Variants in SH3PXD2B observed in about 807,000 individuals in gnomAD.
SH3PXD2B encodes the protein SH3 and PX domains 2B.
SH3PXD2B carries 37 observed loss-of-function variants against 73.1 expected under a neutral mutation model. The observed-to-expected ratio is 0.51, with a 90% confidence interval of 0.39 to 0.67. SH3PXD2B has a LOEUF of 0.67. SH3PXD2B is among the 30% of genes least tolerant of loss of function. The pLI is 0.00. For synonymous variants in SH3PXD2B, 457 were observed against 480.5 expected, an observed-to-expected ratio of 0.95 and a Z score of 0.64; for missense variants, 1,053 against 1,197.8, an observed-to-expected ratio of 0.88 and a Z score of 1.78.
At chr5:172,453,172 T>C (rs961245714) in intron 1 of SH3PXD2B, among the ~76,000 whole-genome samples, 3 of 152,212 alleles carry the variant, frequency 2.0e-5, no homozygotes, top group Admixed American at 6.5e-5. Context: ...GAGCTTAATT[T>C]AGCCAGCCAA....
At chr5:172,406,149 G>A in intron 3 of SH3PXD2B, 128 bp downstream of exon 3, 1 of 1,083,060 alleles carries the variant, frequency 9.2e-7, no homozygotes, top group Non-Finnish European at 1.4e-6. Flanking sequence ...TCTACAAATG[G>A]CTGAGATTCT....
intron 6 of SH3PXD2B, among the ~76,000 whole-genome samples, chr5:172,372,194 A>G (rs891931924): frequency 2.0e-5 from 3 of 151,884 alleles, no homozygotes; most frequent in African/African-American, 4.8e-5. Context: ...GTAATCCCCA[A>G]TGTTGGAGGT....
Position 172,338,413 on chromosome 5 carries a change from A to G in SH3PXD2B, c.2692T>C (p.Trp898Arg), listed in dbSNP as rs1756754181. Residue 898 changes from tryptophan to arginine, a missense_variant, in exon 13 of 13, where the codon TGG (tryptophan) becomes CGG (arginine). By Grantham distance (101) the Trp-to-Arg change is moderately radical. Coordinates refer to ENST00000311601, the MANE Select transcript of SH3PXD2B (RefSeq NM_001017995.3). This position sits in a 1 kb window ranked among gnomAD's most constrained non-coding sequence, Gnocchi z 5.1. Reference sequence around the variant, plus strand: ...TAGTTGGAAGGAATCCACCCTTCCCAGGAAGGGGCTCCGCTCAGGACCTGG... The same window carrying G: ...TAGTTGGAAGGAATCCACCCTTCCCGGGAAGGGGCTCCGCTCAGGACCTGG... Reference protein sequence around the residue: ...FCQVLSGAPSWEGWIPSNYLR... With the variant: ...FCQVLSGAPSREGWIPSNYLR... 1 of 1,614,202 alleles carries G rather than the reference A, an allele frequency of 6.2e-7. No individual in the cohort carries two copies. The highest frequency in any genetic ancestry group is 2.2e-5 in the East Asian group (1 of 44,878).
At position 172,394,572 on chromosome 5, in the gene SH3PXD2B, T is replaced by C. The variant is rs768113862; in HGVS notation, c.300A>G (p.Glu100=). The C allele has an allele frequency of 1.9e-6, 3 of 1,614,126 alleles. No homozygotes were observed. Among genetic ancestry groups the C allele is most frequent in the Non-Finnish European group, 2.5e-6 (3 of 1,180,000 alleles). The change falls in exon 4 of 13, where the codon GAA becomes GAG. Residue 100 remains glutamate (E), a synonymous_variant. Coordinates refer to ENST00000311601, the MANE Select transcript of SH3PXD2B (RefSeq NM_001017995.3). ...VAVKRLIPID[E]YCKALIQLPP... is the part of the protein sequence containing the mutation. ...CATTTCTCAGCCTTACCTTACAGTA[T>C]TCATCAATTGGTATCAGGCGTTTGA...
At chr5:172,439,688 GCGCGCACACACACACACACA>G (rs1759502762) in intron 1 of SH3PXD2B, among the ~76,000 whole-genome samples, 7 of 104,172 alleles carry the variant, frequency 6.7e-5, no homozygotes, top group Non-Finnish European at 7.8e-5. Flanking sequence ...GCGCGCACGC[GCGCGCACACACACACACACA>G]CACACACACA....
intron 4 of SH3PXD2B, among the ~76,000 whole-genome samples, chr5:172,392,499 T>TGGTGGCTCACGCCTGGAATCCCAGCAC (rs1328704893): frequency 5.3e-5 from 8 of 152,128 alleles, no homozygotes; most frequent in African/African-American, 1.7e-4. Context: ...CGGCCCAGCA[T>TGGTGGCTCACGCCTGGAATCCCAGCAC]GGTGGCTCAT....
intron 1 of SH3PXD2B, among the ~76,000 whole-genome samples, chr5:172,428,931 G>T (rs1289496888): frequency 6.6e-6 from 1 of 152,158 alleles, no homozygotes; most frequent in Non-Finnish European, 1.5e-5. Context: ...ACCGCTCCCT[G>T]CCCACCAGTA....
At chr5:172,384,896 T>C (rs917313085) in intron 4 of SH3PXD2B, among the ~76,000 whole-genome samples, 1 of 152,162 alleles carries the variant, frequency 6.6e-6, no homozygotes, top group African/African-American at 2.4e-5. Context: ...GCACCTTCCC[T>C]GGTCACTGTC....
At chr5:172,452,788 C>G (rs76779745) in intron 1 of SH3PXD2B, among the ~76,000 whole-genome samples, 1 of 151,798 alleles carries the variant, frequency 6.6e-6, no homozygotes, top group Non-Finnish European at 1.5e-5. Context: ...CTCACTTACA[C>G]GCTAACAGGC....
chr5:172,373,594 A>G (rs1757754993), intron 6 of SH3PXD2B, among the ~76,000 whole-genome samples, 196 bp downstream of exon 6: 1 of 147,712 alleles, frequency 6.8e-6, no homozygotes, highest in Non-Finnish European at 1.5e-5. Context: ...CCATCCATCC[A>G]TCCATCCATC....
intron 3 of SH3PXD2B, among the ~76,000 whole-genome samples, chr5:172,397,228 C>T (rs960720035): frequency 5.9e-5 from 9 of 152,172 alleles, no homozygotes; most frequent in Non-Finnish European, 1.2e-4. Context: ...GTAGCGCTCC[C>T]AGTCCTATTA....
intron 4 of SH3PXD2B, among the ~76,000 whole-genome samples, chr5:172,386,733 T>C (rs2113382516): frequency 6.6e-6 from 1 of 152,172 alleles, no homozygotes; most frequent in African/African-American, 2.4e-5. Flanking sequence ...GGGCTCGAGA[T>C]CCTCCCACCT....
chr5:172,372,461 C>A (rs1436687700), intron 6 of SH3PXD2B, among the ~76,000 whole-genome samples: 1 of 152,136 alleles, frequency 6.6e-6, no homozygotes, highest in African/African-American at 2.4e-5. Flanking sequence ...TCCCGTACAG[C>A]CTGCAGAACG....
At chr5:172,327,396 C>T (rs980304258) in intron 12 of SH3PXD2B, among the ~76,000 whole-genome samples, 4 of 152,166 alleles carry the variant, frequency 2.6e-5, no homozygotes, top group African/African-American at 9.7e-5. Context: ...CAGAATTGTT[C>T]CTTTGTCAGT....
intron 2 of SH3PXD2B, among the ~76,000 whole-genome samples, chr5:172,419,716 T>C (rs981349576): frequency 3.3e-5 from 5 of 152,008 alleles, no homozygotes; most frequent in Non-Finnish European, 5.9e-5. Context: ...ACCCCACCCC[T>C]CTCTTCGTGC....
intron 2 of SH3PXD2B, among the ~76,000 whole-genome samples, chr5:172,417,940 C>G (rs1758863790): frequency 6.6e-6 from 1 of 152,188 alleles, no homozygotes; most frequent in Non-Finnish European, 1.5e-5. Flanking sequence ...TACCCATTAG[C>G]AGTATCTTCC....
chr5:172,335,215 T>A lies in SH3PXD2B; in HGVS notation c.*3154A>T. The A allele has an allele frequency of 2.0e-6, 2 of 1,020,170 alleles. No individual in the cohort carries two copies. The highest frequency in any genetic ancestry group is 2.3e-6 in the Non-Finnish European group (2 of 853,444). The allele number at this position is 1,020,170 out of a possible 1,614,324, so 63.2% of individuals were successfully genotyped here. ...ATGTAAGGTAAAGTAGTTGTCACAA[T>A]TGTGTTAATAAGCAGGGGTGAGGGG... On this transcript the variant is annotated 3_prime_UTR_variant, in exon 13 of 13. Transcript: ENST00000311601.
intron 1 of SH3PXD2B, among the ~76,000 whole-genome samples, chr5:172,444,768 CCCT>C (rs1452682153): frequency 6.6e-6 from 1 of 152,256 alleles, no homozygotes; most frequent in East Asian, 1.9e-4. Flanking sequence ...TTCTACCCAC[CCCT>C]CAAGTTGGGG....
intron 1 of SH3PXD2B, among the ~76,000 whole-genome samples, chr5:172,432,512 C>A (rs541033461): frequency 6.6e-6 from 1 of 152,150 alleles, no homozygotes; most frequent in Non-Finnish European, 1.5e-5. Context: ...AATTTTTCAC[C>A]GCTCTGCACG....
Sources: allele counts gnomAD v4.1 joint callset (sites outside exome capture counted in the v4.1 genomes callset), GRCh38; gene constraint gnomAD v4.1.1; non-coding constraint Gnocchi (gnomAD v3.1); transcripts MANE v1.5; gene names NCBI Gene and HGNC (gene_info 2026-07-23, HGNC 2026-07-21).